ALDH7A1: variants seen among roughly 807,000 people sequenced by gnomAD.
ALDH7A1 encodes alpha-aminoadipic semialdehyde dehydrogenase.
A neutral mutation model predicts 79.9 loss-of-function variants in ALDH7A1; 63 were observed. The observed-to-expected ratio is 0.79, with a 90% confidence interval of 0.64 to 0.97. The LOEUF is 0.97. Among genes scored for constraint, ALDH7A1 ranks in the 50% least tolerant of loss-of-function variants. ALDH7A1 has a pLI of 0.00. For missense variants in ALDH7A1, 627 were observed against 665.2 expected (o/e 0.94, Z 0.63); for synonymous variants, 240 against 231.2 (o/e 1.04, Z -0.34).
intron 7 of ALDH7A1, among the ~76,000 whole-genome samples, chr5:126,572,978 T>C (rs1750827187): frequency 6.6e-6 from 1 of 152,220 alleles, no homozygotes; most frequent in Admixed American, 6.5e-5. Flanking sequence ...GCATCACCCT[T>C]AGTTAATTCC....
chr5:126,549,707 A>G, intron 16 of ALDH7A1: 1 of 548,900 alleles, frequency 1.8e-6, no homozygotes. Context: ...TTTCAAGTTA[A>G]GGGCCTCTGC....
At chr5:126,554,458 A>G in intron 12 of ALDH7A1, 65 bp from the exon 13 acceptor site, 1 of 1,315,754 alleles carries the variant, frequency 7.6e-7, no homozygotes, top group Non-Finnish European at 1.1e-6. Context: ...TATTATTAGA[A>G]CAGCTTTCTC....
Position 126,544,970 on chromosome 5 carries a change from G to A in ALDH7A1, c.1615C>T (p.Gln539Ter). 4 of 1,609,118 alleles carry A rather than the reference G, an allele frequency of 2.5e-6. No homozygotes were observed. The highest frequency in any genetic ancestry group is 3.4e-6 in the Non-Finnish European group (4 of 1,175,622). The change falls in exon 18 of 18, where the codon CAG becomes TAG. Residue 539 changes from glutamine to a stop codon, truncating the protein, a stop_gained. Coordinates refer to ENST00000409134, the MANE Select transcript of ALDH7A1 (RefSeq NM_001182.5). LOFTEE classifies it high-confidence loss of function. ...DLPLAQGIKFQ is the reference protein window; with the variant it reads ...DLPLAQGIKF Reference sequence around the variant, plus strand: ...GATGTTCATCTAAAACACCTTTACTGAAACTTGATTCCTTGGGCCAGAGGA... The same window carrying A: ...GATGTTCATCTAAAACACCTTTACTAAAACTTGATTCCTTGGGCCAGAGGA...
rs1451316114 is a variant in ALDH7A1, at chr5:126,542,924, A to T, written c.*2041T>A. ...GCGAATGGATGCTCTCTCCAAGTAC[A>T]GCAAGATCCTAAGCAAGTTAGGCTT... On this transcript the variant is annotated 3_prime_UTR_variant, in exon 18 of 18. Transcript: ENST00000409134. 1 of 152,224 alleles carries T rather than the reference A, an allele frequency of 6.6e-6. No individual in the cohort carries two copies. Among genetic ancestry groups the T allele is most frequent in the African/African-American group, 2.4e-5 (1 of 41,450 alleles). 9.4% of individuals were successfully genotyped at this position (152,224 alleles called of 1,614,324 possible).
intron 5 of ALDH7A1, among the ~76,000 whole-genome samples, chr5:126,581,008 G>A (rs1274192322): frequency 1.3e-5 from 2 of 152,038 alleles, no homozygotes; most frequent in South Asian, 2.1e-4. Flanking sequence ...ATTTTTAGTG[G>A]AAATGGGGTT....
In ALDH7A1 at chr5:126,550,212, T is replaced by C; in HGVS notation, c.1399A>G (p.Ile467Val). 6.2e-7 allele frequency: 1 copy of C among 1,612,980 alleles called. No homozygotes were observed. Among genetic ancestry groups the C allele is most frequent in the Non-Finnish European group, 8.5e-7 (1 of 1,179,884 alleles). Residue 467 changes from isoleucine to valine, a missense_variant, in exon 15 of 18, where the codon ATC becomes GTC. Ile to Val is a conservative substitution (Grantham distance 29, BLOSUM62 3). Transcript: ENST00000409134. The stretch of plus-strand genomic sequence containing the variant: ...AAGTTGTACCCAAGCCAGCGAAAGA[T>C]TCTGCCCAGATCTTTGGTAAAGATG... ...SSIFTKDLGR[I>V]FRWLGPKGSD...
chr5:126,577,768 G>A (rs868835605), intron 5 of ALDH7A1, among the ~76,000 whole-genome samples: 3 of 151,654 alleles, frequency 2.0e-5, no homozygotes, highest in African/African-American at 4.8e-5. Flanking sequence ...GTTTCACCAC[G>A]TTGCCCAGGC....
chr5:126,583,539 C>T (rs1054696485), intron 4 of ALDH7A1, among the ~76,000 whole-genome samples: 6 of 148,968 alleles, frequency 4.0e-5, no homozygotes, highest in Admixed American at 1.3e-4. Context: ...AATTACTTTT[C>T]TTAAAAACTC....
intron 3 of ALDH7A1, chr5:126,592,448 C>T (rs1041812329): frequency 5.2e-6 from 3 of 582,220 alleles, no homozygotes; most frequent in Admixed American, 3.1e-5. Flanking sequence ...TAAATTTATC[C>T]ATTCAATGAA....
intron 11 of ALDH7A1, 105 bp downstream of exon 11, chr5:126,559,135 G>C: frequency 3.3e-6 from 3 of 900,674 alleles, no homozygotes; most frequent in Non-Finnish European, 5.4e-6. Flanking sequence ...CACATCTAGA[G>C]AGCATGTTGT....
In ALDH7A1 at chr5:126,582,837, A is replaced by G. The variant is rs750210639; in HGVS notation, c.517+14T>C. 3.7e-6 allele frequency: 6 copies of G among 1,611,926 alleles called. No homozygotes were observed. Among genetic ancestry groups the G allele is most frequent in the Admixed American group, 1.7e-5 (1 of 59,990 alleles). On this transcript the variant is annotated intron_variant, in intron 5 of 17. Transcript: ENST00000409134. ...CAGAGTACAAAACTCAGCTTAACTA[A>G]TTTCATTGCTTACTTTCAGAAGGCA...
intron 8 of ALDH7A1, 149 bp from the exon 9 acceptor site, chr5:126,568,505 A>G (rs1750669136): frequency 2.8e-6 from 2 of 726,036 alleles, no homozygotes; most frequent in Non-Finnish European, 4.9e-6. Context: ...GAAGGTCTTC[A>G]TGAGAAGGAA....
At chr5:126,573,592 G>C (rs1750855904) in intron 7 of ALDH7A1, among the ~76,000 whole-genome samples, 1 of 151,886 alleles carries the variant, frequency 6.6e-6, no homozygotes, top group Non-Finnish European at 1.5e-5. Flanking sequence ...CAGCCACTCG[G>C]GAGGCTGAAG....
intron 10 of ALDH7A1, among the ~76,000 whole-genome samples, 192 bp from the exon 11 acceptor site, chr5:126,559,526 C>G (rs1456673761): frequency 2.0e-5 from 3 of 149,378 alleles, no homozygotes; most frequent in African/African-American, 7.4e-5. Context: ...ACCTTTGCCT[C>G]CCGGGTTCAA....
intron 10 of ALDH7A1, 93 bp downstream of exon 10, chr5:126,560,990 G>C: frequency 7.1e-7 from 1 of 1,412,192 alleles, no homozygotes; most frequent in Non-Finnish European, 1.0e-6. Context: ...ATGCAACATG[G>C]ACGAAATGAG....
intron 1 of ALDH7A1, chr5:126,594,438 A>ATTTTTTTTTTTTTTTTTTTTTTTT: frequency 5.6e-6 from 1 of 178,562 alleles, no homozygotes; most frequent in Non-Finnish European, 1.1e-5. Flanking sequence ...TAAGGTTTTA[A>ATTTTTTTTTTTTTTTTTTTTTTTT]TTTTTTTTTT....
In ALDH7A1 at chr5:126,595,108, T is replaced by G; in HGVS notation, c.91A>C (p.Thr31Pro). The G allele has an allele frequency of 6.3e-7, 1 of 1,592,030 alleles. No homozygotes were observed. The highest frequency in any genetic ancestry group is 8.6e-7 in the Non-Finnish European group (1 of 1,168,884). The change falls in exon 1 of 18, where the codon ACT becomes CCT. Residue 31 changes from threonine (T) to proline (P), a missense_variant. Physicochemically the swap from Thr to Pro is conservative, Grantham distance 38. Coordinates refer to ENST00000409134, the MANE Select transcript of ALDH7A1 (RefSeq NM_001182.5). ...TACTGGGGCTGATTGATGAGGAGAG[T>G]GGACATGAAGGCGGCAGGCCTGCTC... is the stretch of plus-strand genomic sequence containing the variant. ...PWSRPAAFMS[T>P]LLINQPQYAW...
chr5:126,579,678 C>T (rs915187521), intron 5 of ALDH7A1, among the ~76,000 whole-genome samples: 1 of 151,862 alleles, frequency 6.6e-6, no homozygotes, highest in Admixed American at 6.6e-5. Flanking sequence ...GAAGTGTAAG[C>T]TAGGTGTGGT....
intron 9 of ALDH7A1, among the ~76,000 whole-genome samples, chr5:126,564,136 T>C (rs1331006208): frequency 6.6e-6 from 1 of 152,082 alleles, no homozygotes; most frequent in Non-Finnish European, 1.5e-5. Context: ...ATCTGAGAGA[T>C]GTGTTTGCCT....
Sources: allele counts gnomAD v4.1 joint callset (sites outside exome capture counted in the v4.1 genomes callset), GRCh38; gene constraint gnomAD v4.1.1; transcripts MANE v1.5; gene names NCBI Gene and HGNC (gene_info 2026-07-23, HGNC 2026-07-21).